TRDN: variants seen among roughly 807,000 people sequenced by gnomAD.
TRDN encodes triadin in skeletal muscle.
In TRDN, 161 loss-of-function variants were observed where a neutral mutation model predicts 149.7. The ratio of observed to expected loss-of-function variants is 1.08; its 90% CI spans 0.95 to 1.23. The LOEUF is 1.23. Among genes scored for constraint, TRDN ranks in the 50% most tolerant of loss-of-function variants. The probability of loss-of-function intolerance (pLI) is 0.00; values close to 1 mark genes in which losing one functional copy is unlikely to be tolerated. For missense variants in TRDN, 896 were observed against 823.5 expected, an observed-to-expected ratio of 1.09 and a Z score of -1.08; for synonymous variants, 294 against 250.5, an observed-to-expected ratio of 1.17 and a Z score of -1.64.
intron 10 of TRDN, among the ~76,000 whole-genome samples, chr6:123,446,710 C>A (rs976760944): frequency 6.6e-6 from 1 of 150,956 alleles, no homozygotes; most frequent in African/African-American, 2.4e-5. Context: ...AATCTTTTTA[C>A]TGGTATGAAT....
At chr6:123,451,641 T>C (rs1373946540) in intron 10 of TRDN, among the ~76,000 whole-genome samples, 2 of 151,874 alleles carry the variant, frequency 1.3e-5, no homozygotes, top group African/African-American at 4.8e-5. Context: ...CCAGGACCAG[T>C]TGGATTCACA....
At chr6:123,504,300 TCC>T (rs1778823096) in intron 7 of TRDN, among the ~76,000 whole-genome samples, 1 of 152,140 alleles carries the variant, frequency 6.6e-6, no homozygotes, top group Non-Finnish European at 1.5e-5. Context: ...TGAAGTAGTC[TCC>T]TTTTATAAGC....
chr6:123,597,228 C>A (rs1388810507), intron 1 of TRDN, among the ~76,000 whole-genome samples: 1 of 152,054 alleles, frequency 6.6e-6, no homozygotes, highest in African/African-American at 2.4e-5. Flanking sequence ...GAGGAAACAA[C>A]TGCAGATGTA....
chr6:123,352,457 G>C lies in TRDN; in HGVS notation c.1369+82C>G. 4 of 1,571,844 alleles carry C rather than the reference G, an allele frequency of 2.5e-6. No homozygotes were observed. In the Middle Eastern group the frequency reaches 5.1e-4, roughly 202 times the overall value. On this transcript the variant is annotated intron_variant, in intron 21 of 40. Coordinates refer to ENST00000334268, the MANE Select transcript of TRDN (RefSeq NM_006073.4). ...ATAGACTTAAAGGTTATTGTCTTCC[G>C]CCTGTCTGAATCCAGTGCTTTCCTC... is the stretch of plus-strand genomic sequence containing the variant.
Position 123,335,998 on chromosome 6 carries a change from C to T in TRDN, c.1420+1621G>A, listed in dbSNP as rs557794167. Among the ~76,000 whole-genome samples, 16 of 152,050 alleles carry T rather than the reference C, an allele frequency of 1.1e-4. No homozygotes were observed. The South Asian group carries it at 3.3e-3, about 32-fold the overall frequency. On this transcript the variant is annotated intron_variant, in intron 22 of 40. Coordinates refer to ENST00000334268, the MANE Select transcript of TRDN (RefSeq NM_006073.4). The stretch of plus-strand genomic sequence containing the variant: ...CTGGGAATGGAACTGTCGCAAAATA[C>T]AGGTAATCACTAAAGAAAAATAGAT...
chr6:123,348,992 G>T (rs2114284152), intron 21 of TRDN, among the ~76,000 whole-genome samples: 1 of 152,118 alleles, frequency 6.6e-6, no homozygotes, highest in South Asian at 2.1e-4. Context: ...GCAGAAAGCA[G>T]ACCTCTATGA....
intron 16 of TRDN, among the ~76,000 whole-genome samples, chr6:123,380,541 G>A (rs1255930805): frequency 6.6e-6 from 1 of 152,114 alleles, no homozygotes. Context: ...GGGCATTTTA[G>A]AGCATTTTTA....
chr6:123,248,705 A>T (rs1256458180), intron 38 of TRDN, among the ~76,000 whole-genome samples: 3 of 152,184 alleles, frequency 2.0e-5, no homozygotes, highest in Non-Finnish European at 4.4e-5. Context: ...GACCAACTGT[A>T]GCAAAATTTA....
intron 23 of TRDN, among the ~76,000 whole-genome samples, chr6:123,329,972 A>C (rs1480315299): frequency 6.6e-6 from 1 of 151,998 alleles, no homozygotes; most frequent in Non-Finnish European, 1.5e-5. Context: ...CTTCAACATG[A>C]TATATGTTGC....
At chr6:123,333,149 C>T (rs1348799099) in intron 22 of TRDN, among the ~76,000 whole-genome samples, 2 of 152,016 alleles carry the variant, frequency 1.3e-5, no homozygotes, top group Non-Finnish European at 2.9e-5. Flanking sequence ...TAATTTACTG[C>T]TCTTGCACTT....
intron 1 of TRDN, among the ~76,000 whole-genome samples, chr6:123,576,334 T>C (rs547942956): frequency 1.3e-5 from 2 of 152,202 alleles, no homozygotes; most frequent in South Asian, 2.1e-4. Context: ...CTGGACACTT[T>C]TAATGAATGC....
rs79250086 is a variant in TRDN at position 123,368,950 on chromosome 6, T to G, written c.1274-2768A>C. On this transcript the variant is annotated intron_variant, in intron 19 of 40. Transcript: ENST00000334268. ...CGTATTTTCTGTTGTTATAGTCATC[T>G]GCTGTATTAATTTCCTAGGACTGCC... is the stretch of plus-strand genomic sequence containing the variant. Among the ~76,000 whole-genome samples the G allele has an allele frequency of 3.0e-3, 459 of 152,324 alleles. 12 individuals are homozygous for G. The East Asian group carries it at 0.075, about 25-fold the overall frequency.
chr6:123,487,934 G>A (rs531935829), intron 9 of TRDN, among the ~76,000 whole-genome samples: 1 of 152,048 alleles, frequency 6.6e-6, no homozygotes, highest in African/African-American at 2.4e-5. Context: ...TTTAGAGTTC[G>A]TATTATACAA....
intron 12 of TRDN, among the ~76,000 whole-genome samples, chr6:123,419,940 C>T (rs1157643836): frequency 6.6e-6 from 1 of 152,154 alleles, no homozygotes; most frequent in African/African-American, 2.4e-5. Context: ...AATGTGTGCA[C>T]TTCTGTGAAA....
chr6:123,322,314 G>A (rs1166717003), intron 23 of TRDN, among the ~76,000 whole-genome samples: 8 of 152,100 alleles, frequency 5.3e-5, no homozygotes, highest in African/African-American at 1.9e-4. Flanking sequence ...CAAAAGCTAA[G>A]CAAGCAAACA....
rs542258249 is a variant in TRDN at position 123,614,293 on chromosome 6, A to G, written c.22+22461T>C. On this transcript the variant is annotated intron_variant, in intron 1 of 40. Transcript: ENST00000334268. ...ACCGTGGGAAAGTGCTTCATTAAAAAAAAAAACAAAAAAAAAAAAAACAAA... is the reference window on the plus strand; with the variant it reads ...ACCGTGGGAAAGTGCTTCATTAAAAGAAAAAACAAAAAAAAAAAAAACAAA... Among the ~76,000 whole-genome samples, 35 of 133,848 alleles carry G rather than the reference A, an allele frequency of 2.6e-4. No individual in the cohort carries two copies. The East Asian group carries it at 6.3e-3, about 24-fold the overall frequency. The allele number at this position is 133,848 out of a possible 152,430, so 87.8% of individuals were successfully genotyped here.
intron 9 of TRDN, among the ~76,000 whole-genome samples, chr6:123,493,424 G>C (rs1208005297): frequency 6.6e-6 from 1 of 152,096 alleles, no homozygotes; most frequent in African/African-American, 2.4e-5. Context: ...CGAAATCTTA[G>C]CTAAAAATTT....
intron 2 of TRDN, among the ~76,000 whole-genome samples, chr6:123,568,205 T>C (rs907478496): frequency 3.3e-5 from 5 of 152,140 alleles, no homozygotes; most frequent in Admixed American, 3.3e-4. Flanking sequence ...GGAACACTGA[T>C]ATGAGGGGTG....
Position 123,516,175 on chromosome 6 carries a change from T to G in TRDN, c.516A>C (p.Glu172Asp). Reference protein sequence around the residue: ...VTHKEKEKGKEKVREKEKPEK... With the variant: ...VTHKEKEKGKDKVREKEKPEK... ...CAGGTTTTTCTTTTTCTCTTACTTTTTCTTTTCCTTTTTCTTTTTCTTTGT... is the reference window on the plus strand; with the variant it reads ...CAGGTTTTTCTTTTTCTCTTACTTTGTCTTTTCCTTTTTCTTTTTCTTTGT... Residue 172 changes from glutamate (E) to aspartate (D), a missense_variant, in exon 6 of 41, where the codon GAA (glutamate) becomes GAC (aspartate). Physicochemically the swap from Glu to Asp is conservative, Grantham distance 45. Coordinates refer to ENST00000334268, the MANE Select transcript of TRDN (RefSeq NM_006073.4). 1 of 1,491,020 alleles carries G rather than the reference T, an allele frequency of 6.7e-7. No individual in the cohort carries two copies. Among genetic ancestry groups the G allele is most frequent in the Non-Finnish European group, 9.0e-7 (1 of 1,108,384 alleles). 92.4% of individuals were successfully genotyped at this position (1,491,020 alleles called of 1,614,324 possible).
Sources: allele counts gnomAD v4.1 joint callset (sites outside exome capture counted in the v4.1 genomes callset), GRCh38; gene constraint gnomAD v4.1.1; transcripts MANE v1.5; gene names NCBI Gene and HGNC (gene_info 2026-07-23, HGNC 2026-07-21).